The following C12orf42 variants were observed in gnomAD, a reference collection of about 807,000 sequenced individuals.
C12orf42 encodes chromosome 12 open reading frame 42, also known as uncharacterized protein C12orf42.
C12orf42 carries 25 observed loss-of-function variants against 21.6 expected under a neutral mutation model. That is an observed-to-expected ratio of 1.16 (90% CI 0.84 to 1.62). C12orf42 has a LOEUF of 1.62. Ranked by LOEUF, C12orf42 falls within the 40% of genes most tolerant of loss-of-function variation. The pLI is 0.00. For missense variants in C12orf42, 483 were observed against 459.3 expected (o/e 1.05, Z -0.47); for synonymous variants, 174 against 175.0 (o/e 0.99, Z 0.05).
chr12:103,328,894 T>A (rs1025367827), intron 4 of C12orf42, among the ~76,000 whole-genome samples: 2 of 152,240 alleles, frequency 1.3e-5, no homozygotes, highest in African/African-American at 4.8e-5. Flanking sequence ...CATTTCTGAA[T>A]TTAAAATAAT....
chr12:103,262,536 TTTC>T (rs1326559459), intron 10 of C12orf42: 6 of 152,214 alleles, frequency 3.9e-5, no homozygotes, highest in South Asian at 2.1e-4. Flanking sequence ...GTACTTTTAT[TTTC>T]TTCTTTTTAT....
intron 4 of C12orf42, 48 bp downstream of exon 4, chr12:103,368,839 A>G: frequency 2.0e-6 from 2 of 978,356 alleles, no homozygotes; most frequent in South Asian, 1.5e-5. Context: ...CATAGTCCAG[A>G]GTTTCTTTGG....
At chr12:103,101,276 G>A in the C12orf42 span, among the ~76,000 whole-genome samples, 1 of 152,174 alleles carries the variant, frequency 6.6e-6, no homozygotes, top group South Asian at 2.1e-4. Context: ...TCTAGTGAAA[G>A]GGCAAATTTA....
intron 4 of C12orf42, among the ~76,000 whole-genome samples, chr12:103,339,265 G>A (rs1427441234): frequency 6.6e-6 from 1 of 152,152 alleles, no homozygotes; most frequent in Non-Finnish European, 1.5e-5. Flanking sequence ...AAGTAAACTT[G>A]CGTCATGGAG....
the C12orf42 span, among the ~76,000 whole-genome samples, chr12:103,142,330 C>T: frequency 6.6e-6 from 1 of 152,162 alleles, no homozygotes; most frequent in African/African-American, 2.4e-5. Context: ...TTCTTAATTC[C>T]TTCTCACAAC....
chr12:103,102,340 T>C, the C12orf42 span, among the ~76,000 whole-genome samples: 1 of 152,206 alleles, frequency 6.6e-6, no homozygotes, highest in Non-Finnish European at 1.5e-5. Flanking sequence ...GATGACTAAG[T>C]TCATGTCTAC....
At chr12:103,414,866 G>A (rs1341366524) in intron 2 of C12orf42, among the ~76,000 whole-genome samples, 1 of 152,032 alleles carries the variant, frequency 6.6e-6, no homozygotes, top group African/African-American at 2.4e-5. Context: ...CTATTTGGAT[G>A]CCTTTTATTT....
chr12:103,157,122 C>T, the C12orf42 span, among the ~76,000 whole-genome samples: 1 of 152,160 alleles, frequency 6.6e-6, no homozygotes, highest in Non-Finnish European at 1.5e-5. Flanking sequence ...TTCTTCACAG[C>T]CTCGCCCGCA....
chr12:103,284,247 G>A (rs1159360988), intron 4 of C12orf42, among the ~76,000 whole-genome samples: 1 of 152,168 alleles, frequency 6.6e-6, no homozygotes, highest in Non-Finnish European at 1.5e-5. Flanking sequence ...TTTATATTTG[G>A]AAGCACAGAG....
chr12:103,466,487 C>A (rs1336670109), intron 2 of C12orf42, among the ~76,000 whole-genome samples: 1 of 152,010 alleles, frequency 6.6e-6, no homozygotes, highest in African/African-American at 2.4e-5. Context: ...TATCTCACTT[C>A]TAATGAATAA....
the C12orf42 span, among the ~76,000 whole-genome samples, chr12:103,225,367 A>G: frequency 2.0e-5 from 3 of 152,220 alleles, no homozygotes; most frequent in Non-Finnish European, 4.4e-5. Flanking sequence ...GCCATGCTAT[A>G]GCAGGTGAGT....
intron 2 of C12orf42, among the ~76,000 whole-genome samples, chr12:103,424,999 G>A (rs894119702): frequency 6.6e-6 from 1 of 152,188 alleles, no homozygotes; most frequent in Non-Finnish European, 1.5e-5. Context: ...AGCTTAGTGG[G>A]AGAGGGGTGT....
At chr12:103,081,716 G>C in the C12orf42 span, among the ~76,000 whole-genome samples, 1 of 152,110 alleles carries the variant, frequency 6.6e-6, no homozygotes, top group East Asian at 1.9e-4. Flanking sequence ...TTGCTTTTGA[G>C]TGGTTTAGTT....
chr12:103,253,244 C>T (rs1011180584), intron 10 of C12orf42, among the ~76,000 whole-genome samples: 2 of 152,076 alleles, frequency 1.3e-5, no homozygotes, highest in Non-Finnish European at 2.9e-5. Context: ...TAGCATGATG[C>T]CTCCAGCTTT....
At chr12:103,048,743 T>G in the C12orf42 span, among the ~76,000 whole-genome samples, 1 of 152,200 alleles carries the variant, frequency 6.6e-6, no homozygotes, top group African/African-American at 2.4e-5. Flanking sequence ...GGATTCCACA[T>G]GCTTCTGGAT....
At chr12:103,256,111 T>TATACACAC (rs1439188517) in intron 10 of C12orf42, among the ~76,000 whole-genome samples, 10 of 33,860 alleles carry the variant, frequency 3.0e-4, no homozygotes, top group Non-Finnish European at 4.2e-4. Flanking sequence ...TATATATATA[T>TATACACAC]ACACACACAC....
At chr12:103,112,241 A>T in the C12orf42 span, among the ~76,000 whole-genome samples, 2 of 152,206 alleles carry the variant, frequency 1.3e-5, no homozygotes, top group Non-Finnish European at 2.9e-5. Context: ...GGAAAGAGTT[A>T]AGCGTTATGA....
intron 4 of C12orf42, among the ~76,000 whole-genome samples, chr12:103,345,049 T>C (rs2042498426): frequency 6.6e-6 from 1 of 152,228 alleles, no homozygotes; most frequent in Non-Finnish European, 1.5e-5. Flanking sequence ...TTTGAGTCTC[T>C]GATCTTTATA....
intron 3 of C12orf42, among the ~76,000 whole-genome samples, chr12:103,384,877 C>T (rs2046475768): frequency 6.6e-6 from 1 of 152,114 alleles, no homozygotes; most frequent in African/African-American, 2.4e-5. Context: ...AATTAGGAGA[C>T]CTAGGTTCGT....
Sources: allele counts gnomAD v4.1 joint callset (sites outside exome capture counted in the v4.1 genomes callset), GRCh38; gene constraint gnomAD v4.1.1; transcripts MANE v1.5; gene names NCBI Gene and HGNC (gene_info 2026-07-23, HGNC 2026-07-21).